Variants in APBA2 observed in about 807,000 individuals in gnomAD.
APBA2 encodes the protein amyloid-beta A4 precursor protein-binding family A member 2.
In APBA2, 30 loss-of-function variants were observed where a neutral mutation model predicts 75.0. The ratio of observed to expected loss-of-function variants is 0.40; its 90% CI spans 0.30 to 0.54. APBA2 has a LOEUF of 0.54. APBA2 is among the 20% of genes least tolerant of loss of function. APBA2 has a pLI of 0.49. For missense variants in APBA2, 801 were observed against 1,016.1 expected, an observed-to-expected ratio of 0.79 and a Z score of 2.88; for synonymous variants, 444 against 409.6, an observed-to-expected ratio of 1.08 and a Z score of -1.01.
rs2041737806 is a variant in APBA2 at position 29,053,953 on chromosome 15, C to T, written c.69C>T (p.Val23=). The T allele has an allele frequency of 1.9e-6, 3 of 1,613,902 alleles. No individual in the cohort carries two copies. The highest frequency in any genetic ancestry group is 2.7e-5 in the African/African-American group (2 of 74,898). The change falls in exon 4 of 15, where the codon GTC becomes GTT. Residue 23 remains valine, a synonymous_variant. Coordinates refer to ENST00000683413, the MANE Select transcript of APBA2 (RefSeq NM_001353788.2). Reference sequence around the variant, plus strand: ...ACCATAGGGTGAGACCAGGTCCTGTCCCTCACAGCCAGGAGCCCGAGAGCG... The same window carrying T: ...ACCATAGGGTGAGACCAGGTCCTGTTCCTCACAGCCAGGAGCCCGAGAGCG... ...MLDHRVRPGP[V]PHSQEPESED...
intron 14 of APBA2, among the ~76,000 whole-genome samples, chr15:29,115,506 G>C (rs1165165192): frequency 6.6e-6 from 1 of 152,082 alleles, no homozygotes; most frequent in Admixed American, 6.5e-5. Context: ...CCGCCCCCAC[G>C]GCCAGCAGCC....
At chr15:28,944,624 C>T (rs2035437397) in intron 2 of APBA2, among the ~76,000 whole-genome samples, 1 of 152,234 alleles carries the variant, frequency 6.6e-6, no homozygotes, top group Non-Finnish European at 1.5e-5. Flanking sequence ...CCTTTTATAA[C>T]CTGGTGTGCT....
intron 1 of APBA2, among the ~76,000 whole-genome samples, chr15:28,896,441 G>A (rs987149588): frequency 5.4e-4 from 82 of 152,182 alleles, no homozygotes; most frequent in African/African-American, 1.8e-3. Flanking sequence ...CACCACCCCC[G>A]GCTAATTTTT....
intron 1 of APBA2, among the ~76,000 whole-genome samples, chr15:28,911,588 T>C (rs975088885): frequency 1.3e-5 from 2 of 152,228 alleles, no homozygotes; most frequent in Non-Finnish European, 2.9e-5. Context: ...TTTTTCTTTG[T>C]TCATCTCAAT....
chr15:29,110,312 C>T (rs1383114372), intron 13 of APBA2, among the ~76,000 whole-genome samples: 1 of 152,158 alleles, frequency 6.6e-6, no homozygotes, highest in Non-Finnish European at 1.5e-5. Flanking sequence ...TGTATGGTGT[C>T]CCCTGGGCTG....
At chr15:29,015,376 A>G (rs1250984227) in intron 3 of APBA2, among the ~76,000 whole-genome samples, 1 of 151,946 alleles carries the variant, frequency 6.6e-6, no homozygotes, top group Non-Finnish European at 1.5e-5. Flanking sequence ...GTTAAGAGAC[A>G]AAAAAAATGT....
intron 2 of APBA2, among the ~76,000 whole-genome samples, chr15:28,978,920 C>T (rs558917614): frequency 6.6e-6 from 1 of 152,334 alleles, no homozygotes; most frequent in East Asian, 1.9e-4. Flanking sequence ...TTTGATTAGT[C>T]CAAAGGGCTC....
intron 2 of APBA2, among the ~76,000 whole-genome samples, chr15:28,945,182 C>T (rs1302783795): frequency 3.3e-5 from 5 of 152,128 alleles, no homozygotes; most frequent in Non-Finnish European, 4.4e-5. Context: ...TTCTGTTTGG[C>T]GCGGGGACGA....
intron 2 of APBA2, among the ~76,000 whole-genome samples, chr15:28,986,120 C>T (rs913406733): frequency 6.6e-5 from 10 of 152,206 alleles, no homozygotes; most frequent in Non-Finnish European, 8.8e-5. Flanking sequence ...TTACAATTCC[C>T]GGCGGCTCTC....
chr15:29,096,614 C>G (rs1482251394), intron 8 of APBA2, among the ~76,000 whole-genome samples: 1 of 152,190 alleles, frequency 6.6e-6, no homozygotes, highest in African/African-American at 2.4e-5. Flanking sequence ...GAGTTAAAAG[C>G]AAAGAAAGCC....
intron 2 of APBA2, among the ~76,000 whole-genome samples, chr15:28,963,585 C>T (rs1314213979): frequency 1.3e-5 from 2 of 152,196 alleles, no homozygotes; most frequent in Non-Finnish European, 2.9e-5. Context: ...CGGCCACAGT[C>T]CACTAAACAC....
At chr15:28,947,122 ATCT>A (rs1202489811) in intron 2 of APBA2, among the ~76,000 whole-genome samples, 1 of 152,168 alleles carries the variant, frequency 6.6e-6, no homozygotes, top group Non-Finnish European at 1.5e-5. Context: ...CAGACGCCAG[ATCT>A]TCTTTTCCTG....
At chr15:29,088,087 T>A (rs994514373) in intron 6 of APBA2, among the ~76,000 whole-genome samples, 1 of 152,058 alleles carries the variant, frequency 6.6e-6, no homozygotes, top group Non-Finnish European at 1.5e-5. Context: ...CCTGCCCCGG[T>A]TCCTCTGAAA....
chr15:28,998,936 CG>C (rs1287439689), intron 3 of APBA2, among the ~76,000 whole-genome samples: 1 of 152,126 alleles, frequency 6.6e-6, no homozygotes. Context: ...CACCTGAGGT[CG>C]GGAGTTCGAG....
At chr15:29,013,273 CT>C (rs560518234) in intron 3 of APBA2, among the ~76,000 whole-genome samples, 7,897 of 85,930 alleles carry the variant, frequency 0.092, 320 homozygotes, top group African/African-American at 0.29. Context: ...ATGAGTCATT[CT>C]TTTTTTTTTT....
At chr15:29,041,188 G>C (rs762259148) in intron 3 of APBA2, among the ~76,000 whole-genome samples, 1 of 152,168 alleles carries the variant, frequency 6.6e-6, no homozygotes, top group Non-Finnish European at 1.5e-5. Flanking sequence ...TAAGAAATGA[G>C]TAGGCCAGGT....
rs1275303772 is a variant in APBA2, at chr15:29,009,551, G to A, written c.-41+13745G>A. On this transcript the variant is annotated intron_variant, in intron 3 of 14. Transcript: ENST00000683413. ...CACCACAACCCAAGAATCTCCCCTA[G>A]GGTCCTCTCCCAGCCATAACCCACC... Among the ~76,000 whole-genome samples the A allele has an allele frequency of 5.3e-5, 8 of 152,074 alleles. No homozygotes were observed. The East Asian group carries it at 5.8e-4, about 11-fold the overall frequency.
intron 4 of APBA2, among the ~76,000 whole-genome samples, chr15:29,074,521 G>A (rs943238282): frequency 2.6e-5 from 4 of 152,158 alleles, no homozygotes; most frequent in Admixed American, 2.6e-4. Context: ...GGCATATTGA[G>A]GAGTTTGTTT....
At chr15:29,011,843 A>T (rs2039419227) in intron 3 of APBA2, among the ~76,000 whole-genome samples, 2 of 152,186 alleles carry the variant, frequency 1.3e-5, no homozygotes, top group Non-Finnish European at 2.9e-5. Flanking sequence ...ATTTAACTAG[A>T]TACATATAAA....
Sources: allele counts gnomAD v4.1 joint callset (sites outside exome capture counted in the v4.1 genomes callset), GRCh38; gene constraint gnomAD v4.1.1; transcripts MANE v1.5; gene names NCBI Gene and HGNC (gene_info 2026-07-23, HGNC 2026-07-21).